ZNF655: variants seen among roughly 807,000 people sequenced by gnomAD.
ZNF655 encodes the protein zinc finger protein 655, also known as Vav-interacting Kruppel-like protein 1.
In ZNF655, 3 loss-of-function variants were observed where a neutral mutation model predicts 6.6. The ratio of observed to expected loss-of-function variants is 0.46; its 90% confidence interval spans 0.21 to 1.18. ZNF655 has a LOEUF of 1.18. Ranked by LOEUF, ZNF655 falls within the 50% of genes most tolerant of loss-of-function variation. The pLI, the probability that ZNF655 is intolerant of heterozygous loss-of-function variation, is 0.24. For synonymous variants in ZNF655, 178 were observed against 195.0 expected (o/e 0.91, Z 0.73); for missense variants, 526 against 572.3 (o/e 0.92, Z 0.83).
chr7:99,572,758 G>A lies in ZNF655; in HGVS notation c.650G>A (p.Cys217Tyr). The change falls in exon 3 of 3, where the codon TGT becomes TAT. Residue 217 changes from cysteine (C) to tyrosine (Y), a missense_variant. Coordinates refer to ENST00000252713, the MANE Select transcript of ZNF655 (RefSeq NM_138494.3). ...GAGAAATCCTATAAATGTGATGTAT[G>A]TGGGAAAATTTTCCATCAGAGCTCA... The part of the protein sequence containing the change: ...NTEKSYKCDV[C>Y]GKIFHQSSAL... 6.2e-7 allele frequency: 1 copy of A among 1,613,170 alleles called. No individual in the cohort carries two copies. Among genetic ancestry groups the A allele is most frequent in the Non-Finnish European group, 8.5e-7 (1 of 1,179,868 alleles).
chr7:99,560,684 G>A lies in ZNF655; in HGVS notation c.125G>A (p.Gly42Glu). 6.2e-7 allele frequency: 1 copy of A among 1,613,930 alleles called. No individual in the cohort carries two copies. The highest frequency in any genetic ancestry group is 8.5e-7 in the Non-Finnish European group (1 of 1,179,914). Residue 42 changes from glycine (G) to glutamate (E), a missense_variant, in exon 2 of 3, where the codon GGA becomes GAA. Gly to Glu is a moderately conservative substitution (Grantham distance 98). Coordinates refer to ENST00000252713, the MANE Select transcript of ZNF655 (RefSeq NM_138494.3). Reference sequence around the variant, plus strand: ...GTGCAGGACACCGACATGGAACAGGGACTCACTGGGGGTAAGGCAGAGAAA... The same window carrying A: ...GTGCAGGACACCGACATGGAACAGGAACTCACTGGGGGTAAGGCAGAGAAA... ...QFVQDTDMEQ[G>E]LTGDGETREE...
At chr7:99,565,734 G>A (rs1037440811) in intron 2 of ZNF655, among the ~76,000 whole-genome samples, 6 of 152,190 alleles carry the variant, frequency 3.9e-5, no homozygotes. Flanking sequence ...CTTTTCACAT[G>A]GGTAAGTGTG....
intron 2 of ZNF655, chr7:99,564,833 G>A (rs369444684): frequency 2.2e-5 from 9 of 400,834 alleles, no homozygotes; most frequent in Non-Finnish European, 2.7e-5. Flanking sequence ...ACATGCAGTC[G>A]ACATGCATAC....
At chr7:99,569,475 TAC>T (rs1803872965) in intron 2 of ZNF655, among the ~76,000 whole-genome samples, 1 of 152,164 alleles carries the variant, frequency 6.6e-6, no homozygotes, top group African/African-American at 2.4e-5. Context: ...ATTTTTTTTT[TAC>T]TAGCAGATTG....
chr7:99,569,704 A>G (rs1309488155), intron 2 of ZNF655, among the ~76,000 whole-genome samples: 2 of 152,228 alleles, frequency 1.3e-5, no homozygotes, highest in African/African-American at 4.8e-5. Flanking sequence ...CCAAGTACTT[A>G]GTAAAACTTA....
At chr7:99,570,606 T>G (rs1803970841) in intron 2 of ZNF655, 1 of 152,190 alleles carries the variant, frequency 6.6e-6, no homozygotes, top group African/African-American at 2.4e-5. Context: ...ACAAGATACC[T>G]GGTCCCTTCT....
At chr7:99,559,957 A>G (rs763731933) in intron 1 of ZNF655, among the ~76,000 whole-genome samples, 1 of 152,008 alleles carries the variant, frequency 6.6e-6, no homozygotes, top group Non-Finnish European at 1.5e-5. Flanking sequence ...TTTCCACAGA[A>G]AGCTTTACAC....
chr7:99,573,099 A>G lies in ZNF655; in HGVS notation c.991A>G (p.Lys331Glu). 1.2e-6 allele frequency: 2 copies of G among 1,614,132 alleles called. No individual in the cohort carries two copies. The highest frequency in any genetic ancestry group is 1.7e-5 in the Admixed American group (1 of 60,024). The change falls in exon 3 of 3, where the codon AAG (lysine) becomes GAG (glutamate). Residue 331 changes from lysine (K) to glutamate (E), a missense_variant. Coordinates refer to ENST00000252713, the MANE Select transcript of ZNF655 (RefSeq NM_138494.3). ...GAAAATTCACAAAGAGATGCCCTGTAAGTGTACTGTATGTGGCAGTGACTT... is the reference window on the plus strand; with the variant it reads ...GAAAATTCACAAAGAGATGCCCTGTGAGTGTACTGTATGTGGCAGTGACTT... ...HQKIHKEMPC[K>E]CTVCGSDFCH...
intron 2 of ZNF655, among the ~76,000 whole-genome samples, chr7:99,565,637 G>A (rs561159928): frequency 3.9e-5 from 6 of 152,298 alleles, no homozygotes; most frequent in African/African-American, 1.4e-4. Flanking sequence ...GATGATGAAT[G>A]AACAATTTGC....
At chr7:99,562,016 A>C in intron 2 of ZNF655, 1 of 1,480,516 alleles carries the variant, frequency 6.8e-7, no homozygotes, top group Non-Finnish European at 9.1e-7. Context: ...GACTATTGCT[A>C]CTGATGGAGT....
intron 2 of ZNF655, among the ~76,000 whole-genome samples, chr7:99,566,633 C>T (rs1803654549): frequency 6.6e-6 from 1 of 152,342 alleles, no homozygotes; most frequent in African/African-American, 2.4e-5. Flanking sequence ...TAACAGCTCA[C>T]TGCAGCCTGG....
At chr7:99,565,352 G>A (rs1803541188) in intron 2 of ZNF655, among the ~76,000 whole-genome samples, 1 of 152,030 alleles carries the variant, frequency 6.6e-6, no homozygotes, top group South Asian at 2.1e-4. Flanking sequence ...CGTATTTTTA[G>A]TAGAGATGGG....
intron 2 of ZNF655, chr7:99,562,076 A>G (rs1276018180): frequency 6.6e-6 from 7 of 1,054,872 alleles, no homozygotes; most frequent in South Asian, 1.9e-5. Context: ...ATTTTTTTCA[A>G]TAGCAGACTC....
Position 99,575,633 on chromosome 7 carries a change from T to A in ZNF655, c.*2049T>A, listed in dbSNP as rs1299597354. 6.6e-6 allele frequency: 1 copy of A among 152,090 alleles called. No individual in the cohort carries two copies. Among genetic ancestry groups the A allele is most frequent in the Admixed American group, 6.5e-5 (1 of 15,278 alleles). 9.4% of individuals were successfully genotyped at this position (152,090 alleles called of 1,614,324 possible). ...GAATGTAGCCTTCCAACAGAGATGA[T>A]GCTGTTCGTATGTTAATCTCAGAGA... On this transcript the variant is annotated 3_prime_UTR_variant, in exon 3 of 3. Transcript: ENST00000252713.
chr7:99,566,302 T>C (rs1490266923), intron 2 of ZNF655, among the ~76,000 whole-genome samples: 1 of 152,114 alleles, frequency 6.6e-6, no homozygotes, highest in East Asian at 1.9e-4. Context: ...GTGTGTACTC[T>C]GATGACAAGA....
chr7:99,570,575 T>C (rs1485762372), intron 2 of ZNF655: 1 of 152,216 alleles, frequency 6.6e-6, no homozygotes, highest in Non-Finnish European at 1.5e-5. Flanking sequence ...TTAAGTAAAT[T>C]AATCAAAAGA....
chr7:99,570,660 C>A (rs887899509), intron 2 of ZNF655: 8 of 151,970 alleles, frequency 5.3e-5, no homozygotes, highest in African/African-American at 9.7e-5. Flanking sequence ...ATACCTGAAA[C>A]CACTTAAAAA....
At chr7:99,566,618 CATG>C (rs1327669191) in intron 2 of ZNF655, among the ~76,000 whole-genome samples, 5 of 152,188 alleles carry the variant, frequency 3.3e-5, no homozygotes, top group Non-Finnish European at 7.4e-5. Context: ...AATACAGTGG[CATG>C]ATAACAGCTC....
rs1262986047 is a variant in ZNF655, at chr7:99,572,422, A to G, written c.314A>G (p.Lys105Arg). 3.1e-6 allele frequency: 5 copies of G among 1,613,672 alleles called. No individual in the cohort carries two copies. The highest frequency in any genetic ancestry group is 4.2e-6 in the Non-Finnish European group (5 of 1,179,912). Residue 105 changes from lysine (K) to arginine (R), a missense_variant, in exon 3 of 3, where the codon AAA becomes AGA. Physicochemically the swap from Lys to Arg is conservative, Grantham distance 26. Transcript: ENST00000252713. ...GAAAGACTTCAGGAAATTCTAAGGAAATTTCTGTACCTGGAGAGAGAGTTT... is the reference window on the plus strand; with the variant it reads ...GAAAGACTTCAGGAAATTCTAAGGAGATTTCTGTACCTGGAGAGAGAGTTT... ...RLERLQEILR[K>R]FLYLEREFRQ... is the part of the protein sequence containing the mutation.
Sources: gnomAD v4.1 joint callset for allele counts (sites outside exome capture counted in the v4.1 genomes callset) on GRCh38, gnomAD v4.1.1 for gene constraint, MANE v1.5 for transcripts, NCBI Gene and HGNC (gene_info 2026-07-23, HGNC 2026-07-21) for gene names.